Variants in RNF121 observed in about 807,000 individuals in gnomAD.
RNF121 encodes ring finger protein 121, also known as E3 ubiquitin ligase RNF121.
In RNF121, 21 loss-of-function variants were observed where a neutral mutation model predicts 46.5. The observed-to-expected ratio is 0.45, with a 90% CI of 0.32 to 0.65. RNF121 has a LOEUF of 0.65. RNF121 is among the 30% of genes least tolerant of loss of function. The pLI is 0.04. For missense variants in RNF121, 346 were observed against 416.0 expected, an observed-to-expected ratio of 0.83 and a Z score of 1.46; for synonymous variants, 139 against 144.7, an observed-to-expected ratio of 0.96 and a Z score of 0.28.
chr11:71,934,864 G>A (rs1366785826), intron 1 of RNF121, among the ~76,000 whole-genome samples: 1 of 151,780 alleles, frequency 6.6e-6, no homozygotes, highest in East Asian at 1.9e-4. Context: ...GGGCTTAGCA[G>A]AAAAGAGTGC....
At chr11:71,991,266 A>G (rs1340312324) in intron 6 of RNF121, among the ~76,000 whole-genome samples, 1 of 152,032 alleles carries the variant, frequency 6.6e-6, no homozygotes, top group Non-Finnish European at 1.5e-5. Context: ...TCTCAGATGT[A>G]CCCTATAATT....
intron 1 of RNF121, among the ~76,000 whole-genome samples, chr11:71,944,569 C>T (rs1196767610): frequency 2.0e-5 from 3 of 152,184 alleles, no homozygotes; most frequent in South Asian, 2.1e-4. Context: ...GAAGGTAAAA[C>T]TGGAAAGACA....
At chr11:71,944,631 C>T (rs537087571) in intron 1 of RNF121, among the ~76,000 whole-genome samples, 6 of 152,346 alleles carry the variant, frequency 3.9e-5, no homozygotes, top group African/African-American at 1.4e-4. Context: ...ACTGTCCGTG[C>T]TCCTGTGGAG....
chr11:71,979,512 AGTT>A (rs1954600481), intron 3 of RNF121, among the ~76,000 whole-genome samples: 1 of 151,986 alleles, frequency 6.6e-6, no homozygotes, highest in Non-Finnish European at 1.5e-5. Context: ...CTCTAGATGT[AGTT>A]TTTTCATCCT....
chr11:71,982,957 C>T, intron 4 of RNF121, 42 bp downstream of exon 4: 1 of 1,550,592 alleles, frequency 6.4e-7, no homozygotes, highest in Non-Finnish European at 8.7e-7. Context: ...TTTTCCGAAG[C>T]TAATGGGTTG....
intron 3 of RNF121, among the ~76,000 whole-genome samples, chr11:71,981,799 A>G (rs954735668): frequency 6.6e-6 from 1 of 152,182 alleles, no homozygotes; most frequent in Admixed American, 6.5e-5. Flanking sequence ...GACATATCAT[A>G]TGCCAACAGT....
chr11:71,977,845 C>A (rs1377889374), intron 3 of RNF121, among the ~76,000 whole-genome samples: 1 of 152,194 alleles, frequency 6.6e-6, no homozygotes, highest in Non-Finnish European at 1.5e-5. Context: ...TAGCCAAGTC[C>A]TGGAGGGCCA....
intron 1 of RNF121, 92 bp from the exon 2 acceptor site, chr11:71,957,135 C>A: frequency 1.2e-6 from 1 of 850,022 alleles, no homozygotes. Context: ...TTCTCTAATT[C>A]CTTGAAGATA....
intron 3 of RNF121, among the ~76,000 whole-genome samples, chr11:71,980,440 G>A (rs1159251672): frequency 6.6e-6 from 1 of 152,046 alleles, no homozygotes; most frequent in African/African-American, 2.4e-5. Flanking sequence ...TCCACCTCCC[G>A]GATTCAAGCG....
At chr11:71,990,842 G>T (rs1954851235) in intron 6 of RNF121, 125 bp downstream of exon 6, 1 of 1,144,252 alleles carries the variant, frequency 8.7e-7, no homozygotes, top group Non-Finnish European at 1.2e-6. Flanking sequence ...CCTTCAAGAT[G>T]TGCATATGCA....
At chr11:71,995,636 G>T (rs1021301397) in intron 8 of RNF121, 85 bp downstream of exon 8, 12 of 1,063,052 alleles carry the variant, frequency 1.1e-5, no homozygotes, top group Middle Eastern at 2.0e-4. Context: ...TCCTCCTGGG[G>T]CCCTCACTTC....
At chr11:71,990,555 G>A in intron 5 of RNF121, 42 bp from the exon 6 acceptor site, 1 of 1,608,170 alleles carries the variant, frequency 6.2e-7, no homozygotes, top group Non-Finnish European at 8.5e-7. Context: ...TAGAAGATAT[G>A]TCTCAGGGTG....
Position 71,996,419 on chromosome 11 carries a change from T to C in RNF121, c.*104T>C, listed in dbSNP as rs1055452. The C allele has an allele frequency of 0.96, 1,363,824 of 1,422,080 alleles. 655,463 individuals carry two copies. Among genetic ancestry groups the C allele is most frequent in the Non-Finnish European group, 0.98 (1,029,692 of 1,051,036 alleles). The allele number at this position is 1,422,080 out of a possible 1,614,324, so 88.1% of individuals were successfully genotyped here. On this transcript the variant is annotated 3_prime_UTR_variant, in exon 9 of 9. Coordinates refer to ENST00000361756, the MANE Select transcript of RNF121 (RefSeq NM_018320.5). ...CCTGGGTGGGAAAGACTCAAAGGGGTGCTTGGGCCACTCAGGACCCCTCTG... is the reference window on the plus strand; with the variant it reads ...CCTGGGTGGGAAAGACTCAAAGGGGCGCTTGGGCCACTCAGGACCCCTCTG...
chr11:71,983,002 A>T, intron 4 of RNF121, 87 bp downstream of exon 4: 2 of 1,332,758 alleles, frequency 1.5e-6, no homozygotes, highest in South Asian at 4.2e-5. Context: ...TAGACTGAAA[A>T]AATTCCTGGT....
chr11:71,967,055 T>A (rs1449418549), intron 3 of RNF121, among the ~76,000 whole-genome samples: 2 of 147,106 alleles, frequency 1.4e-5, no homozygotes, highest in Non-Finnish European at 3.0e-5. Context: ...GTATTTTTAG[T>A]AGAGACGGGG....
At chr11:71,961,299 G>A (rs1954127565) in intron 3 of RNF121, among the ~76,000 whole-genome samples, 1 of 152,182 alleles carries the variant, frequency 6.6e-6, no homozygotes, top group African/African-American at 2.4e-5. Context: ...GGTGGCTCAT[G>A]TTTGTAATCC....
At chr11:71,988,951 G>A (rs1466153605) in intron 5 of RNF121, among the ~76,000 whole-genome samples, 7 of 152,342 alleles carry the variant, frequency 4.6e-5, no homozygotes, top group Admixed American at 1.3e-4. Flanking sequence ...ATTCATCACT[G>A]TAGAGTCAAA....
At chr11:71,950,043 C>CA (rs894446070) in intron 1 of RNF121, among the ~76,000 whole-genome samples, 27 of 151,710 alleles carry the variant, frequency 1.8e-4, no homozygotes, top group Non-Finnish European at 3.2e-4. Context: ...AAAACTCGCA[C>CA]AAAAAACCCA....
chr11:71,974,634 T>C (rs1954489808), intron 3 of RNF121, among the ~76,000 whole-genome samples: 1 of 143,522 alleles, frequency 7.0e-6, no homozygotes, highest in East Asian at 2.1e-4. Flanking sequence ...TAGGTTCCTC[T>C]CAAAGGCTTC....
Sources: gnomAD v4.1 joint callset for allele counts (sites outside exome capture counted in the v4.1 genomes callset) on GRCh38, gnomAD v4.1.1 for gene constraint, MANE v1.5 for transcripts, NCBI Gene and HGNC (gene_info 2026-07-23, HGNC 2026-07-21) for gene names.